Variants in NCR3LG1 observed in about 807,000 individuals in gnomAD.
The protein encoded by NCR3LG1 is natural killer cell cytotoxicity receptor 3 ligand 1.
In NCR3LG1, 35 loss-of-function variants were observed where a neutral mutation model predicts 34.8. The observed-to-expected ratio is 1.01, with a 90% CI of 0.77 to 1.33. NCR3LG1 has a LOEUF of 1.33. NCR3LG1 is among the 40% of genes most tolerant of loss of function. NCR3LG1 has a pLI of 0.00. For synonymous variants in NCR3LG1, 173 were observed against 163.6 expected, an observed-to-expected ratio of 1.06 and a Z score of -0.44; for missense variants, 452 against 423.3, an observed-to-expected ratio of 1.07 and a Z score of -0.60.
chr11:17,367,827 T>A (rs1459213344), intron 3 of NCR3LG1, among the ~76,000 whole-genome samples: 2 of 151,494 alleles, frequency 1.3e-5, no homozygotes, highest in Non-Finnish European at 2.9e-5. Flanking sequence ...TTGTCTTTTT[T>A]TTTTTTTTGA....
At position 17,372,110 on chromosome 11, in the gene NCR3LG1, T is replaced by C. The variant is rs548601060; in HGVS notation, c.963T>C (p.Phe321=). Residue 321 remains phenylalanine, a synonymous_variant, in exon 5 of 5, where the codon TTT becomes TTC. Coordinates refer to ENST00000338965, the MANE Select transcript of NCR3LG1 (RefSeq NM_001202439.3). ...TGAAGAAAGAGCACCTCATATTCTT[T>C]TGCACTCGGGCATGGCCGTCTTACC... ...QTLKKEHLIF[F]CTRAWPSYQL... is the part of the protein sequence containing the mutation. The C allele has an allele frequency of 5.7e-6, 4 of 702,998 alleles. 1 individual carries two copies. Among genetic ancestry groups the C allele is most frequent in the African/African-American group, 5.2e-5 (3 of 57,368 alleles). The allele number at this position is 702,998 out of a possible 1,614,324, so 43.5% of individuals were successfully genotyped here. A position where few individuals can be genotyped will look rare whatever the true frequency, so the allele number is the denominator to read the frequency against.
At chr11:17,361,312 G>C (rs1231945229) in intron 2 of NCR3LG1, among the ~76,000 whole-genome samples, 1 of 147,998 alleles carries the variant, frequency 6.8e-6, no homozygotes, top group Non-Finnish European at 1.5e-5. Flanking sequence ...TTTTGAGACA[G>C]AGTCTCGCTG....
At position 17,372,301 on chromosome 11, in the gene NCR3LG1, T is replaced by G; in HGVS notation, c.1154T>G (p.Ile385Ser). The part of the protein sequence containing the change: ...DNPDLCQCCR[I>S]DPALLTVTSG... ...CCAGATCTTTGTCAGTGTTGTAGAATTGACCCTGCTCTCCTAACAGTTACA... is the reference window on the plus strand; with the variant it reads ...CCAGATCTTTGTCAGTGTTGTAGAAGTGACCCTGCTCTCCTAACAGTTACA... Residue 385 changes from isoleucine to serine, a missense_variant, in exon 5 of 5, where the codon ATT becomes AGT. Coordinates refer to ENST00000338965, the MANE Select transcript of NCR3LG1 (RefSeq NM_001202439.3). 1 of 703,170 alleles carries G rather than the reference T, an allele frequency of 1.4e-6. No homozygotes were observed. 43.6% of individuals were successfully genotyped at this position (703,170 alleles called of 1,614,324 possible).
chr11:17,360,185 G>C (rs1953255050), intron 2 of NCR3LG1, among the ~76,000 whole-genome samples: 1 of 152,144 alleles, frequency 6.6e-6, no homozygotes, highest in Admixed American at 6.5e-5. Flanking sequence ...GGAATTGTAT[G>C]TCTTCTTTGA....
chr11:17,376,604 A>G lies in NCR3LG1; in HGVS notation c.*4092A>G, dbSNP rs1953479684. Reference sequence around the variant, plus strand: ...AGCCATTAAAGACTTGTCAGGCATAAATGGAACATGGTATGGGAACACTTT... The same window carrying G: ...AGCCATTAAAGACTTGTCAGGCATAGATGGAACATGGTATGGGAACACTTT... On this transcript the variant is annotated 3_prime_UTR_variant, in exon 5 of 5. Transcript: ENST00000338965. The G allele has an allele frequency of 6.6e-6, 1 of 152,182 alleles. No homozygotes were observed. Among genetic ancestry groups the G allele is most frequent in the South Asian group, 2.1e-4 (1 of 4,820 alleles). The allele number at this position is 152,182 out of a possible 1,614,324, so 9.4% of individuals were successfully genotyped here.
At chr11:17,362,613 T>A (rs1366406390) in intron 2 of NCR3LG1, among the ~76,000 whole-genome samples, 1 of 150,334 alleles carries the variant, frequency 6.7e-6, no homozygotes, top group Non-Finnish European at 1.5e-5. Context: ...GCTTTCCTTT[T>A]TGGAAGGTGA....
downstream of NCR3LG1, among the ~76,000 whole-genome samples, chr11:17,379,941 C>G (rs1953505300): frequency 6.6e-6 from 1 of 152,092 alleles, no homozygotes; most frequent in Non-Finnish European, 1.5e-5. Flanking sequence ...CTGATGGGCT[C>G]CAGCTACAGA....
rs527533430 is a variant in NCR3LG1 at position 17,376,072 on chromosome 11, C to T, written c.*3560C>T. ...AATGGTCAAATAGGTTGTTAATACT[C>T]GTGAAACCCTCTTAAAAATAATCCC... On this transcript the variant is annotated 3_prime_UTR_variant, in exon 5 of 5. Transcript: ENST00000338965. The T allele has an allele frequency of 1.1e-4, 17 of 152,296 alleles. No individual in the cohort carries two copies. In the South Asian group the frequency reaches 1.9e-3, roughly 17 times the overall value. The allele number at this position is 152,296 out of a possible 1,614,324, so 9.4% of individuals were successfully genotyped here.
At chr11:17,355,429 AAG>A (rs1555120346) in intron 1 of NCR3LG1, among the ~76,000 whole-genome samples, 27 of 152,154 alleles carry the variant, frequency 1.8e-4, no homozygotes, top group East Asian at 1.3e-3. Flanking sequence ...TCAAAAAAAA[AAG>A]AGAAAATTCT....
At chr11:17,371,527 G>A (rs900353503) in intron 4 of NCR3LG1, among the ~76,000 whole-genome samples, 1 of 152,056 alleles carries the variant, frequency 6.6e-6, no homozygotes, top group African/African-American at 2.4e-5. Flanking sequence ...ACATTCTTTT[G>A]AGGCATCTGT....
chr11:17,380,169 C>T (rs1321526977), downstream of NCR3LG1, among the ~76,000 whole-genome samples: 1 of 152,192 alleles, frequency 6.6e-6, no homozygotes, highest in Non-Finnish European at 1.5e-5. Flanking sequence ...TATTTGATGT[C>T]ATTTTGTTAT....
chr11:17,367,411 T>G, intron 3 of NCR3LG1, 64 bp downstream of exon 3: 1 of 1,286,350 alleles, frequency 7.8e-7, no homozygotes, highest in Non-Finnish European at 1.1e-6. Flanking sequence ...TAAGACTTAT[T>G]CCCACACAGC....
Position 17,351,894 on chromosome 11 carries a change from C to A in NCR3LG1, c.-76C>A. ...CGTCAACTCTTTACGCAACAGAGGT[C>A]TCCCCCTGCCCTTGGTTTCTACCGG... On this transcript the variant is annotated 5_prime_UTR_variant, in exon 1 of 5. Coordinates refer to ENST00000338965, the MANE Select transcript of NCR3LG1 (RefSeq NM_001202439.3). The A allele has an allele frequency of 1.7e-6, 2 of 1,168,672 alleles. No homozygotes were observed. The highest frequency in any genetic ancestry group is 2.5e-6 in the Non-Finnish European group (2 of 815,674). The allele number at this position is 1,168,672 out of a possible 1,614,324, so 72.4% of individuals were successfully genotyped here.
In NCR3LG1 at chr11:17,375,507, C is replaced by T. The variant is rs1443590001; in HGVS notation, c.*2995C>T. The T allele has an allele frequency of 6.6e-6, 1 of 152,222 alleles. No individual in the cohort carries two copies. The highest frequency in any genetic ancestry group is 2.4e-5 in the African/African-American group (1 of 41,446). 9.4% of individuals were successfully genotyped at this position (152,222 alleles called of 1,614,324 possible). A position where few individuals can be genotyped will look rare whatever the true frequency, so the allele number is the denominator to read the frequency against. Reference sequence around the variant, plus strand: ...CTCTCACAAGAGCACTTGAACTAAGCAAAGGAAAGACAGCTAACATTTATA... The same window carrying T: ...CTCTCACAAGAGCACTTGAACTAAGTAAAGGAAAGACAGCTAACATTTATA... On this transcript the variant is annotated 3_prime_UTR_variant, in exon 5 of 5. Coordinates refer to ENST00000338965, the MANE Select transcript of NCR3LG1 (RefSeq NM_001202439.3).
At chr11:17,370,418 G>A (rs770994599) in intron 4 of NCR3LG1, among the ~76,000 whole-genome samples, 5 of 152,124 alleles carry the variant, frequency 3.3e-5, no homozygotes, top group Admixed American at 6.5e-5. Context: ...GAGTAGGAGC[G>A]GACCTCCAAA....
chr11:17,354,224 A>C (rs1384453270), intron 1 of NCR3LG1, among the ~76,000 whole-genome samples: 1 of 152,248 alleles, frequency 6.6e-6, no homozygotes, highest in Non-Finnish European at 1.5e-5. Context: ...GTTGATTTGA[A>C]AAGATAAATG....
chr11:17,378,782 A>G (rs1332688621), downstream of NCR3LG1, among the ~76,000 whole-genome samples: 1 of 152,178 alleles, frequency 6.6e-6, no homozygotes, highest in East Asian at 1.9e-4. Context: ...GAAAAATCAA[A>G]CTGCAGGCAC....
At chr11:17,363,738 A>G (rs905341401) in intron 2 of NCR3LG1, among the ~76,000 whole-genome samples, 3 of 151,906 alleles carry the variant, frequency 2.0e-5, no homozygotes, top group Non-Finnish European at 4.4e-5. Context: ...CTGGGGCCAC[A>G]CGCGGGTGCC....
rs537912251 is a variant in NCR3LG1 at position 17,356,642 on chromosome 11, T to C, written c.71-9T>C. On this transcript the variant is annotated splice_polypyrimidine_tract_variant and intron_variant, in intron 1 of 4. Coordinates refer to ENST00000338965, the MANE Select transcript of NCR3LG1 (RefSeq NM_001202439.3). ...GTAAACTGAACATTGTGTCCTCTTA[T>C]TGCCACAGGTGATCTGAAAGTAGAG... 1.2e-3 allele frequency: 1,890 copies of C among 1,514,624 alleles called. 16 individuals carry two copies. The Middle Eastern group carries it at 0.02, about 16-fold the overall frequency. 93.8% of individuals were successfully genotyped at this position (1,514,624 alleles called of 1,614,324 possible). A position where few individuals can be genotyped will look rare whatever the true frequency, so the allele number is the denominator to read the frequency against.
Sources: gnomAD v4.1 joint callset for allele counts (sites outside exome capture counted in the v4.1 genomes callset) on GRCh38, gnomAD v4.1.1 for gene constraint, MANE v1.5 for transcripts, NCBI Gene and HGNC (gene_info 2026-07-23, HGNC 2026-07-21) for gene names.